PCDHGB2: variants seen among roughly 807,000 people sequenced by gnomAD.
PCDHGB2 encodes protocadherin gamma-B2.
A neutral mutation model predicts 59.3 loss-of-function variants in PCDHGB2; 55 were observed. The ratio of observed to expected loss-of-function variants is 0.93; its 90% confidence interval spans 0.75 to 1.16. The LOEUF is 1.16. Ranked by LOEUF, PCDHGB2 falls within the 50% of genes most tolerant of loss-of-function variation. PCDHGB2 has a pLI of 0.00. For missense variants in PCDHGB2, 1,228 were observed against 1,198.5 expected (o/e 1.02, Z -0.36); for synonymous variants, 516 against 512.0 (o/e 1.01, Z -0.11).
intron 1 of PCDHGB2, chr5:141,376,418 C>G (rs1354597104): frequency 6.2e-7 from 1 of 1,614,230 alleles, no homozygotes; most frequent in Admixed American, 1.7e-5. Context: ...TGCCGACACG[C>G]TTATCAACCA....
rs772309054 is a variant in PCDHGB2, at chr5:141,361,253, A to G, written c.1118A>G (p.Asp373Gly). ...GTVIALIKTR[D>G]RDSGENGEVY... ...GTGATCGCCTTGATAAAAACGAGAG[A>G]CAGAGACTCTGGAGAAAATGGAGAA... is the stretch of plus-strand genomic sequence containing the variant. Residue 373 changes from aspartate (D) to glycine (G), a missense_variant, in exon 1 of 4, where the codon GAC (aspartate) becomes GGC (glycine). Asp to Gly is a moderately conservative substitution (Grantham distance 94, BLOSUM62 -1). Around this residue, in one of 3 missense-constraint regions of PCDHGB2, gnomAD observed 781 missense variants for 721.6 expected, o/e 1.08. Transcript: ENST00000522605. The G allele has an allele frequency of 6.2e-7, 1 of 1,613,952 alleles. No homozygotes were observed. The highest frequency in any genetic ancestry group is 1.1e-5 in the South Asian group (1 of 91,078).
chr5:141,394,997 C>T lies in PCDHGB2; in HGVS notation c.2421+32441C>T, dbSNP rs771459458. On this transcript the variant is annotated intron_variant, in intron 1 of 3. Coordinates refer to ENST00000522605, the MANE Select transcript of PCDHGB2 (RefSeq NM_018923.3). ...ACAAGTCACGCCTGCTCCAGGATTC[C>T]GGTGGCAGATTGGTAGGCGTGCCTG... 3.4e-5 allele frequency: 55 copies of T among 1,613,898 alleles called. No individual in the cohort carries two copies. In the East Asian group the frequency reaches 1.1e-3, roughly 32 times the overall value.
chr5:141,453,116 GT>G (rs2098756689), intron 1 of PCDHGB2, among the ~76,000 whole-genome samples: 1 of 151,698 alleles, frequency 6.6e-6, no homozygotes, highest in Admixed American at 6.6e-5. Context: ...GTTTTGTTTT[GT>G]TTTGTTTTGT....
chr5:141,477,469 T>C lies in PCDHGB2; in HGVS notation c.2422-17338T>C, dbSNP rs2099411540. ...TGCGTGTTCAAGTGTCCGACATCAA[T>C]GACAACCCTCCACAATCTTCTCAAT... On this transcript the variant is annotated intron_variant, in intron 1 of 3. Coordinates refer to ENST00000522605, the MANE Select transcript of PCDHGB2 (RefSeq NM_018923.3). The surrounding 1 kb of genome is among the most constrained non-coding windows in gnomAD (Gnocchi z 4.9). 6.2e-7 allele frequency: 1 copy of C among 1,614,028 alleles called. No homozygotes were observed. Among genetic ancestry groups the C allele is most frequent in the South Asian group, 1.1e-5 (1 of 91,078 alleles).
intron 3 of PCDHGB2, among the ~76,000 whole-genome samples, chr5:141,508,772 C>T (rs1015277795): frequency 5.3e-5 from 8 of 152,070 alleles, no homozygotes; most frequent in African/African-American, 1.2e-4. Flanking sequence ...TGAGGTCCCC[C>T]CTCTAGCCCC....
chr5:141,507,553 C>T (rs1382652977), intron 3 of PCDHGB2, among the ~76,000 whole-genome samples: 4 of 152,192 alleles, frequency 2.6e-5, no homozygotes, highest in Admixed American at 2.0e-4. Flanking sequence ...ATGAAAGTGG[C>T]AGGCGGCTGG....
At chr5:141,468,652 G>A (rs1206892693) in intron 1 of PCDHGB2, 2 of 149,062 alleles carry the variant, frequency 1.3e-5, no homozygotes, top group African/African-American at 2.5e-5. Context: ...GGATCACAAG[G>A]TCAGGAGATC....
chr5:141,420,244 C>A lies in PCDHGB2; in HGVS notation c.2421+57688C>A, dbSNP rs755775597. On this transcript the variant is annotated intron_variant, in intron 1 of 3. Coordinates refer to ENST00000522605, the MANE Select transcript of PCDHGB2 (RefSeq NM_018923.3). ...TACTGGCTAGCATTTTAACTCCCAGCGTTGAAGCAGATAAGAAGATTCTTA... is the reference window on the plus strand; with the variant it reads ...TACTGGCTAGCATTTTAACTCCCAGAGTTGAAGCAGATAAGAAGATTCTTA... 83 of 1,584,438 alleles carry A rather than the reference C, an allele frequency of 5.2e-5. 1 individual carries two copies. The South Asian group carries it at 9.4e-4, about 18-fold the overall frequency.
intron 1 of PCDHGB2, chr5:141,387,615 A>G: frequency 3.5e-6 from 2 of 564,798 alleles, no homozygotes; most frequent in South Asian, 2.4e-5. Flanking sequence ...GTAGTTTCCT[A>G]GTGCTGACTC....
At chr5:141,510,447 C>T (rs1270073364) in intron 3 of PCDHGB2, among the ~76,000 whole-genome samples, 1 of 152,026 alleles carries the variant, frequency 6.6e-6, no homozygotes, top group Non-Finnish European at 1.5e-5. Flanking sequence ...CTCCAGGAGC[C>T]CATGGTCTAG....
intron 1 of PCDHGB2, chr5:141,389,656 C>T (rs763730959): frequency 1.2e-6 from 2 of 1,612,538 alleles, no homozygotes; most frequent in Non-Finnish European, 1.7e-6. Context: ...AAGGTAGTGG[C>T]GGTGGACGCA....
chr5:141,460,296 C>T (rs1443273958), intron 1 of PCDHGB2, among the ~76,000 whole-genome samples: 1 of 151,924 alleles, frequency 6.6e-6, no homozygotes, highest in Non-Finnish European at 1.5e-5. Context: ...TTCTTATGTC[C>T]TATTCAAAAA....
intron 1 of PCDHGB2, chr5:141,370,508 C>A: frequency 6.2e-7 from 1 of 1,613,908 alleles, no homozygotes. Context: ...ACGCTATTCC[C>A]GAGGAGCTGG....
intron 1 of PCDHGB2, chr5:141,426,581 C>A: frequency 2.8e-6 from 1 of 358,468 alleles, no homozygotes. Context: ...TCTTCAAAAT[C>A]CTCTGTGTCA....
intron 1 of PCDHGB2, chr5:141,393,148 A>AT: frequency 6.2e-7 from 1 of 1,613,332 alleles, no homozygotes; most frequent in Non-Finnish European, 8.5e-7. Context: ...CTGGTTGAGG[A>AT]TAAAGGAAAA....
rs2099085120 is a variant in PCDHGB2, at chr5:141,464,455, T to C, written c.2422-30352T>C. Among the ~76,000 whole-genome samples, 2 of 151,794 alleles carry C rather than the reference T, an allele frequency of 1.3e-5. 1 individual carries two copies. Among genetic ancestry groups the C allele is most frequent in the Non-Finnish European group, 2.9e-5 (2 of 67,958 alleles). On this transcript the variant is annotated intron_variant, in intron 1 of 3. Coordinates refer to ENST00000522605, the MANE Select transcript of PCDHGB2 (RefSeq NM_018923.3). ...TATATGTTTGTTGTTGTTGTTGTTA[T>C]TTTTGAAGTATGTACGTATAATAAA...
At chr5:141,385,020 C>A (rs1780771634) in intron 1 of PCDHGB2, 7 of 1,614,168 alleles carry the variant, frequency 4.3e-6, no homozygotes, top group Non-Finnish European at 5.9e-6. Flanking sequence ...TCCTAGCCTT[C>A]GTCCTCGTAC....
intron 1 of PCDHGB2, chr5:141,393,911 T>C: frequency 3.7e-6 from 6 of 1,614,002 alleles, no homozygotes; most frequent in Non-Finnish European, 5.1e-6. Context: ...GGACAGTAAT[T>C]GCCTTCTTGA....
intron 1 of PCDHGB2, chr5:141,392,784 A>G: frequency 6.5e-7 from 1 of 1,546,632 alleles, no homozygotes. Context: ...CACAGTGAAG[A>G]TTCTGAGAGG....
Sources: gnomAD v4.1 joint callset for allele counts (sites outside exome capture counted in the v4.1 genomes callset) on GRCh38, gnomAD v4.1.1 for gene constraint, gnomAD v4.1.1 regional missense constraint, Gnocchi (gnomAD v3.1) non-coding constraint, MANE v1.5 for transcripts, NCBI Gene and HGNC (gene_info 2026-07-23, HGNC 2026-07-21) for gene names.